Variants in TRPM8 observed in about 807,000 individuals in gnomAD.
TRPM8 encodes the protein transient receptor potential cation channel subfamily M member 8.
A neutral mutation model predicts 133.7 loss-of-function variants in TRPM8; 110 were observed. The observed-to-expected ratio is 0.82, with a 90% confidence interval of 0.70 to 0.96. The LOEUF is 0.96. Ranked by LOEUF, TRPM8 falls within the 40% of genes least tolerant of loss-of-function variation. The pLI is 0.00. For synonymous variants in TRPM8, 535 were observed against 532.3 expected, an observed-to-expected ratio of 1.01 and a Z score of -0.07; for missense variants, 1,291 against 1,379.5, an observed-to-expected ratio of 0.94 and a Z score of 1.02.
intron 22 of TRPM8, among the ~76,000 whole-genome samples, chr2:234,001,557 C>T (rs1191654873): frequency 6.6e-6 from 1 of 152,190 alleles, no homozygotes; most frequent in Non-Finnish European, 1.5e-5. Context: ...AAACGCACAC[C>T]ACACTACCCA....
intron 21 of TRPM8, among the ~76,000 whole-genome samples, chr2:233,995,053 T>G (rs1692369624): frequency 6.6e-6 from 1 of 152,252 alleles, no homozygotes; most frequent in Non-Finnish European, 1.5e-5. Flanking sequence ...AAACATTTCC[T>G]GCTCCCCTCT....
rs1692224967 is a variant in TRPM8, at chr2:233,989,576, G to A, written c.2939+3711G>A. On this transcript the variant is annotated intron_variant, in intron 21 of 25. Transcript: ENST00000324695. This position sits in a 1 kb window ranked among gnomAD's most constrained non-coding sequence, Gnocchi z 4.2. ...TCTGATCATTTTTAAAGTTGTTCAG[G>A]GCTTACTCTGTGAGCAGATGGCCCC... 6.6e-6 allele frequency among the ~76,000 whole-genome samples: 1 copy of A among 152,154 alleles called. No individual in the cohort carries two copies. Among genetic ancestry groups the A allele is most frequent in the African/African-American group, 2.4e-5 (1 of 41,430 alleles).
chr2:233,962,287 T>C (rs1691458595), intron 12 of TRPM8, among the ~76,000 whole-genome samples: 1 of 152,208 alleles, frequency 6.6e-6, no homozygotes, highest in African/African-American at 2.4e-5. Context: ...CAGAGCCCAG[T>C]AGCGTACAAA....
chr2:233,950,106 C>T lies in TRPM8; in HGVS notation c.1100C>T (p.Ser367Phe), dbSNP rs201051067. ...GTGCGCTTTTTACCCCGCACGGTGT[C>T]CCGGCTGCCTGAGGAGGAGACTGAG... ...KLVRFLPRTVSRLPEEETESW... is the reference protein window; with the variant it reads ...KLVRFLPRTVFRLPEEETESW... Residue 367 changes from serine (S) to phenylalanine (F), a missense_variant, in exon 9 of 26, where the codon TCC becomes TTC. Coordinates refer to ENST00000324695, the MANE Select transcript of TRPM8 (RefSeq NM_024080.5). 4 of 1,613,366 alleles carry T rather than the reference C, an allele frequency of 2.5e-6. No individual in the cohort carries two copies. The highest frequency in any genetic ancestry group is 2.7e-5 in the African/African-American group (2 of 74,920).
chr2:233,977,667 G>C (rs901149908), intron 17 of TRPM8, among the ~76,000 whole-genome samples: 2 of 152,166 alleles, frequency 1.3e-5, no homozygotes, highest in African/African-American at 4.8e-5. Context: ...GGCCTCCCCC[G>C]AGGAGCCTGC....
chr2:233,976,813 G>A (rs1691883938), intron 17 of TRPM8, among the ~76,000 whole-genome samples: 1 of 152,088 alleles, frequency 6.6e-6, no homozygotes, highest in Non-Finnish European at 1.5e-5. Context: ...ACATGAACAG[G>A]TCTGTAGAAC....
At position 233,939,057 on chromosome 2, in the gene TRPM8, C is replaced by T. The variant is rs1434473202; in HGVS notation, c.408C>T (p.His136=). 6.2e-7 allele frequency: 1 copy of T among 1,614,104 alleles called. No homozygotes were observed. Among genetic ancestry groups the T allele is most frequent in the Non-Finnish European group, 8.5e-7 (1 of 1,180,050 alleles). Residue 136 remains histidine, a synonymous_variant, in exon 5 of 26, where the codon CAC becomes CAT. Coordinates refer to ENST00000324695, the MANE Select transcript of TRPM8 (RefSeq NM_024080.5). ...TCCTTTACGAGCTGCTGACCCAGCA[C>T]TGGCACCTGAAAACACCCAACCTGG... ...AEILYELLTQ[H]WHLKTPNLVI... is the part of the protein sequence containing the mutation.
At chr2:233,929,602 G>A (rs367688985) in intron 2 of TRPM8, 10 of 152,394 alleles carry the variant, frequency 6.6e-5, no homozygotes, top group Admixed American at 4.6e-4. Context: ...CTGGGGAGAG[G>A]AAGTTCCTAG....
At chr2:234,002,376 C>T (rs1417422760) in intron 22 of TRPM8, among the ~76,000 whole-genome samples, 1 of 152,104 alleles carries the variant, frequency 6.6e-6, no homozygotes, top group African/African-American at 2.4e-5. Context: ...CCTCAGCCCA[C>T]CAAGTCACAG....
intron 17 of TRPM8, among the ~76,000 whole-genome samples, chr2:233,973,969 A>G (rs990561558): frequency 4.6e-5 from 7 of 152,296 alleles, no homozygotes; most frequent in Middle Eastern, 3.4e-3. Flanking sequence ...CTCCACTCTC[A>G]CTTGTAGTTG....
intron 1 of TRPM8, among the ~76,000 whole-genome samples, chr2:233,924,564 C>G (rs889123566): frequency 3.3e-5 from 5 of 152,148 alleles, no homozygotes; most frequent in Admixed American, 1.3e-4. Context: ...TGCCAAGACC[C>G]AGTCAACCAA....
At chr2:233,970,139 G>T in intron 16 of TRPM8, 71 bp from the exon 17 acceptor site, 2 of 1,359,810 alleles carry the variant, frequency 1.5e-6, no homozygotes, top group Non-Finnish European at 2.1e-6. Flanking sequence ...ATCTATGTTT[G>T]GAAGGAGGGG....
At chr2:233,928,949 G>T (rs1220146331) in intron 2 of TRPM8, among the ~76,000 whole-genome samples, 2 of 149,600 alleles carry the variant, frequency 1.3e-5, no homozygotes, top group African/African-American at 5.0e-5. Context: ...GTTCTGTTTT[G>T]AACATTCATG....
At chr2:234,012,095 T>G (rs1692853675) in intron 24 of TRPM8, among the ~76,000 whole-genome samples, 1 of 152,022 alleles carries the variant, frequency 6.6e-6, no homozygotes, top group Non-Finnish European at 1.5e-5. Flanking sequence ...ATGCCATTAA[T>G]TTTTATGTGT....
At chr2:233,926,465 G>A (rs1460055519) in intron 1 of TRPM8, 68 bp from the exon 2 acceptor site, 8 of 1,201,770 alleles carry the variant, frequency 6.7e-6, no homozygotes, top group South Asian at 1.2e-5. Flanking sequence ...CGGCATTGGG[G>A]TGAAGCTTTG....
intron 8 of TRPM8, among the ~76,000 whole-genome samples, chr2:233,948,754 C>T (rs919034846): frequency 1.3e-5 from 2 of 152,266 alleles, no homozygotes; most frequent in Non-Finnish European, 1.5e-5. Flanking sequence ...CAGCCAGGGC[C>T]GGGCACAGTG....
chr2:234,012,404 C>T (rs1251217968), intron 24 of TRPM8, among the ~76,000 whole-genome samples: 8 of 151,816 alleles, frequency 5.3e-5, no homozygotes, highest in African/African-American at 1.7e-4. Flanking sequence ...CCTTGGACTC[C>T]CAAAGTGCTA....
chr2:233,972,716 T>C (rs1691760912), intron 17 of TRPM8, among the ~76,000 whole-genome samples: 1 of 152,186 alleles, frequency 6.6e-6, no homozygotes, highest in African/African-American at 2.4e-5. Context: ...GCCCGGGTGC[T>C]AAACCTCTCA....
chr2:233,993,481 G>A lies in TRPM8; in HGVS notation c.2940-2845G>A, dbSNP rs1437705805. On this transcript the variant is annotated intron_variant, in intron 21 of 25. Transcript: ENST00000324695. ...GGCCAGCTAGGGTCATTGGTCAGAT[G>A]TGTCAAAAGAAGCAGTATTCAGTGA... Among the ~76,000 whole-genome samples, 3 of 152,204 alleles carry A rather than the reference G, an allele frequency of 2.0e-5. No individual in the cohort carries two copies. The East Asian group carries it at 5.8e-4, about 29-fold the overall frequency.
Sources: gnomAD v4.1 joint callset for allele counts (sites outside exome capture counted in the v4.1 genomes callset) on GRCh38, gnomAD v4.1.1 for gene constraint, Gnocchi (gnomAD v3.1) non-coding constraint, MANE v1.5 for transcripts, NCBI Gene and HGNC (gene_info 2026-07-23, HGNC 2026-07-21) for gene names.